The following INTS4 variants were observed in gnomAD, a reference collection of about 807,000 sequenced individuals.
The protein encoded by INTS4 is MSTP093.
INTS4 carries 70 observed loss-of-function variants against 119.5 expected under a neutral mutation model. The ratio of observed to expected loss-of-function variants is 0.59; its 90% CI spans 0.48 to 0.71. The LOEUF (loss-of-function observed/expected upper bound fraction) is 0.71. INTS4 is among the 30% of genes least tolerant of loss of function. The pLI is 0.00. For missense variants in INTS4, 867 were observed against 1,173.2 expected (o/e 0.74, Z 3.81); for synonymous variants, 316 against 419.6 (o/e 0.75, Z 3.02).
At chr11:77,947,621 C>G (rs1264993553) in intron 8 of INTS4, among the ~76,000 whole-genome samples, 1 of 152,110 alleles carries the variant, frequency 6.6e-6, no homozygotes, top group Non-Finnish European at 1.5e-5. Flanking sequence ...CCCAGTGATA[C>G]AATATGTCAT....
At chr11:77,874,753 T>C (rs1405369300), downstream of INTS4, among the ~76,000 whole-genome samples, 1 of 152,118 alleles carries the variant, frequency 6.6e-6, no homozygotes, top group Non-Finnish European at 1.5e-5. Flanking sequence ...AGACAAGAAG[T>C]TGGCCGGGTG....
At chr11:77,980,955 T>C (rs375604637) in intron 3 of INTS4, among the ~76,000 whole-genome samples, 15 of 151,548 alleles carry the variant, frequency 9.9e-5, no homozygotes, top group African/African-American at 3.2e-4. Context: ...ATCGTGCCAC[T>C]GCACTCCAGC....
intron 17 of INTS4, among the ~76,000 whole-genome samples, chr11:77,902,562 G>A (rs1380797288): frequency 6.6e-6 from 1 of 152,106 alleles, no homozygotes; most frequent in African/African-American, 2.4e-5. Context: ...ATTTAACCTT[G>A]CTGAGCCTTA....
At chr11:77,983,776 C>T (rs1345461001) in intron 2 of INTS4, among the ~76,000 whole-genome samples, 2 of 152,172 alleles carry the variant, frequency 1.3e-5, no homozygotes, top group Admixed American at 6.5e-5. Flanking sequence ...TGATGGAAAT[C>T]GCTTCTGGGC....
intron 7 of INTS4, among the ~76,000 whole-genome samples, chr11:77,957,893 T>A (rs925475913): frequency 2.6e-5 from 4 of 152,052 alleles, no homozygotes; most frequent in Non-Finnish European, 5.9e-5. Flanking sequence ...GGTCTTGAAC[T>A]CCTGACCTGA....
chr11:77,947,550 A>C (rs630274), intron 8 of INTS4, among the ~76,000 whole-genome samples: 113,633 of 152,068 alleles, frequency 0.75, 43,018 homozygotes, highest in African/African-American at 0.86. Context: ...ACTATCATAA[A>C]AACACACAAA....
intron 16 of INTS4, among the ~76,000 whole-genome samples, chr11:77,906,135 A>C (rs575998529): frequency 6.6e-6 from 1 of 152,106 alleles, no homozygotes; most frequent in South Asian, 2.1e-4. Flanking sequence ...AGTCTTTTGG[A>C]ATTTAAACAG....
chr11:77,935,494 G>C (rs945959078), intron 10 of INTS4, among the ~76,000 whole-genome samples: 4 of 152,108 alleles, frequency 2.6e-5, no homozygotes, highest in African/African-American at 9.7e-5. Flanking sequence ...GCTGAATTCT[G>C]ATCTGTGAGA....
intron 7 of INTS4, among the ~76,000 whole-genome samples, chr11:77,956,728 TAATAA>T (rs1954335633): frequency 2.3e-4 from 3 of 12,804 alleles, no homozygotes; most frequent in Non-Finnish European, 4.2e-4. Context: ...ATAATAATAA[TAATAA>T]TAATAATAAT....
chr11:77,963,525 C>A, intron 4 of INTS4: 1 of 388,592 alleles, frequency 2.6e-6, no homozygotes, highest in Non-Finnish European at 4.9e-6. Flanking sequence ...AGTAAGGAAA[C>A]CACATCCCCA....
At chr11:77,879,451 G>C (rs752998830) in intron 22 of INTS4, among the ~76,000 whole-genome samples, 22 of 152,156 alleles carry the variant, frequency 1.4e-4, no homozygotes, top group Non-Finnish European at 3.1e-4. Context: ...GTGTGGATTT[G>C]GGCAGTTTCA....
rs1248670306 is a variant in INTS4 at position 77,976,897 on chromosome 11, A to T, written c.471+2099T>A. ...ACAATGAGAACACATGGACACAGGA[A>T]GGGGAACATCACACACCAGGGCCTG... On this transcript the variant is annotated intron_variant, in intron 4 of 22. Coordinates refer to ENST00000534064, the MANE Select transcript of INTS4 (RefSeq NM_033547.4). 1.3e-5 allele frequency among the ~76,000 whole-genome samples: 2 copies of T among 151,864 alleles called. 1 individual carries two copies. Among genetic ancestry groups the T allele is most frequent in the Non-Finnish European group, 2.9e-5 (2 of 67,944 alleles).
At chr11:77,914,416 G>A (rs1456033158) in intron 15 of INTS4, among the ~76,000 whole-genome samples, 1 of 152,222 alleles carries the variant, frequency 6.6e-6, no homozygotes, top group Non-Finnish European at 1.5e-5. Flanking sequence ...GATGAGTCAG[G>A]AAGTAGACTG....
intron 10 of INTS4, among the ~76,000 whole-genome samples, chr11:77,935,920 G>GAGAAAAAAGAAAAGAA (rs1436315405): frequency 1.5e-4 from 4 of 26,342 alleles, no homozygotes; most frequent in African/African-American, 3.3e-4. Context: ...GAAAAGAAGA[G>GAGAAAAAAGAAAAGAA]GTTTTGCGCT....
chr11:77,946,311 C>T (rs1208957224), intron 8 of INTS4, among the ~76,000 whole-genome samples: 6 of 152,144 alleles, frequency 3.9e-5, no homozygotes, highest in African/African-American at 7.2e-5. Context: ...CCAACTAATA[C>T]CCTAAAACCA....
intron 22 of INTS4, among the ~76,000 whole-genome samples, chr11:77,882,150 A>T (rs1215697697): frequency 6.6e-6 from 1 of 152,206 alleles, no homozygotes; most frequent in African/African-American, 2.4e-5. Flanking sequence ...TCTTGGGCTC[A>T]ATCGATCCTC....
chr11:77,985,539 G>A (rs908312837), intron 2 of INTS4, among the ~76,000 whole-genome samples: 11 of 151,860 alleles, frequency 7.2e-5, no homozygotes, highest in Admixed American at 3.3e-4. Flanking sequence ...ATAATTAATC[G>A]CCCCCTTCTT....
chr11:77,935,926 G>A (rs1953780821), intron 10 of INTS4, among the ~76,000 whole-genome samples: 2 of 34,612 alleles, frequency 5.8e-5, no homozygotes, highest in African/African-American at 4.2e-4. Flanking sequence ...AAGAGGTTTT[G>A]CGCTTCAAGT....
At chr11:77,966,864 T>G (rs1855523397) in intron 4 of INTS4, among the ~76,000 whole-genome samples, 1 of 152,232 alleles carries the variant, frequency 6.6e-6, no homozygotes, top group Non-Finnish European at 1.5e-5. Context: ...CAGATCATTT[T>G]GGGTAATATG....
Sources: gnomAD v4.1 joint callset for allele counts (sites outside exome capture counted in the v4.1 genomes callset) on GRCh38, gnomAD v4.1.1 for gene constraint, MANE v1.5 for transcripts, NCBI Gene and HGNC (gene_info 2026-07-23, HGNC 2026-07-21) for gene names.